ANKRD18A: variants seen among roughly 807,000 people sequenced by gnomAD.
ANKRD18A encodes the protein ankyrin repeat domain-containing protein 18A.
A neutral mutation model predicts 110.6 loss-of-function variants in ANKRD18A; 72 were observed. The ratio of observed to expected loss-of-function variants is 0.65; its 90% CI spans 0.54 to 0.79. The LOEUF is 0.79. Among genes scored for constraint, ANKRD18A ranks in the 30% least tolerant of loss-of-function variants. The pLI, the probability that ANKRD18A is intolerant of heterozygous loss-of-function variation, is 0.00. For synonymous variants in ANKRD18A, 305 were observed against 410.3 expected (o/e 0.74, Z 3.10); for missense variants, 934 against 1,163.3 (o/e 0.80, Z 2.87).
intron 11 of ANKRD18A, among the ~76,000 whole-genome samples, chr9:38,586,809 C>T (rs1824403047): frequency 6.6e-6 from 1 of 152,136 alleles, no homozygotes; most frequent in Non-Finnish European, 1.5e-5. Flanking sequence ...AATGATCTAC[C>T]TGCCTTGGCC....
intron 13 of ANKRD18A, 80 bp downstream of exon 13, chr9:38,577,787 T>C (rs1057061306): frequency 1.4e-6 from 2 of 1,459,564 alleles, no homozygotes; most frequent in Non-Finnish European, 1.8e-6. Flanking sequence ...AAACACAATA[T>C]ATACATATCC....
chr9:38,568,802 A>C (rs59368419), downstream of ANKRD18A: 282,779 of 980,680 alleles, frequency 0.29, 43,732 homozygotes, highest in African/African-American at 0.55. Flanking sequence ...TGCTGGGGGG[A>C]CCATAGTGCC....
chr9:38,611,125 T>C lies in ANKRD18A; in HGVS notation c.602+90A>G. 7.6e-6 allele frequency: 11 copies of C among 1,454,710 alleles called. No individual in the cohort carries two copies. The South Asian group carries it at 1.7e-4, about 22-fold the overall frequency. 90.1% of individuals were successfully genotyped at this position (1,454,710 alleles called of 1,614,324 possible). A position where few individuals can be genotyped will look rare whatever the true frequency, so the allele number is the denominator to read the frequency against. ...ATGCCAATAATTATAAGTTTAATCT[T>C]ATTAACATTTCTGACTTGAGTGACT... On this transcript the variant is annotated intron_variant, in intron 4 of 15. Transcript: ENST00000399703.
intron 12 of ANKRD18A, among the ~76,000 whole-genome samples, chr9:38,580,501 G>A (rs1824112823): frequency 6.6e-6 from 1 of 152,296 alleles, no homozygotes; most frequent in Non-Finnish European, 1.5e-5. Flanking sequence ...TTAGATAAGA[G>A]GAATGAGTTC....
Position 38,587,387 on chromosome 9 carries a change from A to T in ANKRD18A, c.2118-1075T>A, listed in dbSNP as rs548517382. 1.2e-3 allele frequency among the ~76,000 whole-genome samples: 179 copies of T among 152,208 alleles called. 1 individual carries two copies. Among genetic ancestry groups the T allele is most frequent in the African/African-American group, 3.7e-3 (155 of 41,552 alleles). ...CTTCAAAGACACATTCCATTTTTTTAAAAAAAGTCTGTGATCAAAACATGA... is the reference window on the plus strand; with the variant it reads ...CTTCAAAGACACATTCCATTTTTTTTAAAAAAGTCTGTGATCAAAACATGA... On this transcript the variant is annotated intron_variant, in intron 11 of 15. Coordinates refer to ENST00000399703, the MANE Select transcript of ANKRD18A (RefSeq NM_147195.4).
At chr9:38,574,208 T>C (rs1380211737) in intron 15 of ANKRD18A, among the ~76,000 whole-genome samples, 2 of 152,222 alleles carry the variant, frequency 1.3e-5, no homozygotes, top group African/African-American at 2.4e-5. Flanking sequence ...TCCAGCTGTA[T>C]CCATGTTGCT....
chr9:38,588,677 G>C lies in ANKRD18A; in HGVS notation c.2005-14C>G, dbSNP rs755176124. On this transcript the variant is annotated splice_polypyrimidine_tract_variant and intron_variant, in intron 10 of 15. Transcript: ENST00000399703. ...TTTTTCTTCAGGCTTGAAAAAAAGT[G>C]TTTAAAATTATTTTTGTAAAATCTA... 2.3e-6 allele frequency: 3 copies of C among 1,303,480 alleles called. No individual in the cohort carries two copies. The South Asian group carries it at 6.3e-5, about 28-fold the overall frequency. The allele number at this position is 1,303,480 out of a possible 1,614,324, so 80.7% of individuals were successfully genotyped here. A position where few individuals can be genotyped will look rare whatever the true frequency, so the allele number is the denominator to read the frequency against.
Position 38,620,096 on chromosome 9 carries a change from G to C in ANKRD18A, c.190C>G (p.Arg64Gly). The change falls in exon 1 of 16, where the codon CGC (arginine) becomes GGC (glycine). Residue 64 changes from arginine (R) to glycine (G), a missense_variant. By Grantham distance (125) the Arg-to-Gly change is moderately radical. Transcript: ENST00000399703. ...LTRRFRDLDA[R>G]DRKDRTVLHL... ...CCGAGCTACCTGTCTTTTCTGTCGCGGGCGTCCAAGTCCCGGAACCTGCGC... is the reference window on the plus strand; with the variant it reads ...CCGAGCTACCTGTCTTTTCTGTCGCCGGCGTCCAAGTCCCGGAACCTGCGC... The C allele has an allele frequency of 6.4e-7, 1 of 1,553,936 alleles. No homozygotes were observed. Among genetic ancestry groups the C allele is most frequent in the Non-Finnish European group, 8.7e-7 (1 of 1,148,642 alleles).
chr9:38,600,347 T>TTATTAGAAGGCTAAATTATTAGTAG (rs1194068907), intron 8 of ANKRD18A, among the ~76,000 whole-genome samples: 5 of 152,044 alleles, frequency 3.3e-5, no homozygotes, highest in African/African-American at 1.2e-4. Context: ...AGTAGGCAAA[T>TTATTAGAAGGCTAAATTATTAGTAG]GCTAAATTAT....
chr9:38,606,369 C>T (rs964872263), intron 6 of ANKRD18A, among the ~76,000 whole-genome samples: 6 of 152,160 alleles, frequency 3.9e-5, no homozygotes, highest in Non-Finnish European at 7.3e-5. Context: ...GACAGCAAAA[C>T]CAACCATTTT....
intron 6 of ANKRD18A, among the ~76,000 whole-genome samples, chr9:38,605,996 G>A (rs1446633047): frequency 4.6e-5 from 7 of 152,112 alleles, no homozygotes. Context: ...GTTCTAAGAA[G>A]TGAATATATC....
In ANKRD18A at chr9:38,611,331, A is replaced by G. The variant is rs1406695542; in HGVS notation, c.496-10T>C. 5.3e-6 allele frequency: 8 copies of G among 1,511,636 alleles called. 1 individual carries two copies. Among genetic ancestry groups the G allele is most frequent in the South Asian group, 5.2e-5 (4 of 77,606 alleles). 93.6% of individuals were successfully genotyped at this position (1,511,636 alleles called of 1,614,324 possible). On this transcript the variant is annotated splice_polypyrimidine_tract_variant and intron_variant, in intron 3 of 15. Coordinates refer to ENST00000399703, the MANE Select transcript of ANKRD18A (RefSeq NM_147195.4). ...GTGGAGTGTTTCCCTCCTGTAAGAAAGCAAAAACAATTTATAATTCACAAA... is the reference window on the plus strand; with the variant it reads ...GTGGAGTGTTTCCCTCCTGTAAGAAGGCAAAAACAATTTATAATTCACAAA...
intron 6 of ANKRD18A, 114 bp from the exon 7 acceptor site, chr9:38,603,326 T>A: frequency 6.9e-7 from 1 of 1,449,528 alleles, no homozygotes; most frequent in South Asian, 1.3e-5. Context: ...CTACCCATCT[T>A]TTTTAGAAGC....
downstream of ANKRD18A, chr9:38,569,104 G>A (rs564892358): frequency 2.6e-5 from 26 of 985,396 alleles, no homozygotes; most frequent in South Asian, 6.1e-4. Context: ...ACCAAGGGGG[G>A]TCAGATGCAG....
At chr9:38,613,730 A>C (rs920689581) in intron 3 of ANKRD18A, among the ~76,000 whole-genome samples, 15 of 152,312 alleles carry the variant, frequency 9.8e-5, no homozygotes, top group East Asian at 9.7e-4. Context: ...AGCTCTATAA[A>C]CTTAATAGGC....
At chr9:38,598,683 A>G (rs1281441396) in intron 8 of ANKRD18A, among the ~76,000 whole-genome samples, 1 of 152,192 alleles carries the variant, frequency 6.6e-6, no homozygotes, top group Non-Finnish European at 1.5e-5. Context: ...TTTCTAATTC[A>G]GGTTTCATGC....
rs1173745533 is a variant in ANKRD18A, at chr9:38,577,033, G to A, written c.2741+20C>T. ...TTAATGAGCTGAATTCATTTTCTAT[G>A]AGTGTATGTTTTGACTTACTTCATT... On this transcript the variant is annotated intron_variant, in intron 14 of 15. Coordinates refer to ENST00000399703, the MANE Select transcript of ANKRD18A (RefSeq NM_147195.4). 1.3e-6 allele frequency: 2 copies of A among 1,537,604 alleles called. No individual in the cohort carries two copies. Among genetic ancestry groups the A allele is most frequent in the South Asian group, 1.2e-5 (1 of 81,328 alleles).
At position 38,607,453 on chromosome 9, in the gene ANKRD18A, T is replaced by A; in HGVS notation, c.781A>T (p.Lys261Ter). Residue 261 changes from lysine to a stop codon, truncating the protein, a stop_gained, in exon 6 of 16, where the codon AAA becomes TAA. Transcript: ENST00000399703. LOFTEE classifies it high-confidence loss of function. ...TGATTGTCATTTCGAAGATGATTTT[T>A]AAGCATTTTATTTTTATGTTCCAAA... ...QILEHKNKML[K>*]NHLRNDNQET... The A allele has an allele frequency of 6.6e-7, 1 of 1,504,900 alleles. No homozygotes were observed. The highest frequency in any genetic ancestry group is 8.9e-7 in the Non-Finnish European group (1 of 1,122,988). 93.2% of individuals were successfully genotyped at this position (1,504,900 alleles called of 1,614,324 possible).
At chr9:38,586,619 T>G (rs1824393697) in intron 11 of ANKRD18A, among the ~76,000 whole-genome samples, 2 of 152,074 alleles carry the variant, frequency 1.3e-5, no homozygotes, top group South Asian at 4.2e-4. Context: ...GGCTGAAGTG[T>G]GATGGCGTGA....
Sources: gnomAD v4.1 joint callset for allele counts (sites outside exome capture counted in the v4.1 genomes callset) on GRCh38, gnomAD v4.1.1 for gene constraint, MANE v1.5 for transcripts, NCBI Gene and HGNC (gene_info 2026-07-23, HGNC 2026-07-21) for gene names.